The following MAML3 variants were observed in gnomAD, a reference collection of about 807,000 sequenced individuals.
The protein encoded by MAML3 is mastermind-like protein 3.
In MAML3, 27 loss-of-function variants were observed where a neutral mutation model predicts 101.9. The observed-to-expected ratio is 0.27, with a 90% confidence interval of 0.20 to 0.37. The LOEUF is 0.37. MAML3 is among the 10% of genes least tolerant of loss of function. The pLI is 1.00. For synonymous variants in MAML3, 501 were observed against 555.9 expected (o/e 0.90, Z 1.39); for missense variants, 1,316 against 1,444.9 (o/e 0.91, Z 1.45).
intron 1 of MAML3, among the ~76,000 whole-genome samples, chr4:140,040,537 T>C (rs1191259334): frequency 6.6e-6 from 1 of 152,220 alleles, no homozygotes; most frequent in African/African-American, 2.4e-5. Context: ...CTCCTTCCTC[T>C]AGCCCTTGGG....
intron 1 of MAML3, among the ~76,000 whole-genome samples, chr4:140,055,681 CA>C (rs1727338702): frequency 6.6e-6 from 1 of 152,000 alleles, no homozygotes; most frequent in African/African-American, 2.4e-5. Context: ...AACATGACTA[CA>C]AAAAGCCAAA....
In MAML3 at chr4:139,860,916, T is replaced by C. The variant is rs549701414; in HGVS notation, c.2079+28441A>G. On this transcript the variant is annotated intron_variant, in intron 2 of 4. Transcript: ENST00000509479. ...GGTTCATTTTCTAAATTTCTCAGTG[T>C]CCATTTAGATCCCCAGTGTTGAGGT... 2.0e-5 allele frequency among the ~76,000 whole-genome samples: 3 copies of C among 152,288 alleles called. No individual in the cohort carries two copies. In the East Asian group the frequency reaches 5.8e-4, roughly 29 times the overall value.
intron 2 of MAML3, among the ~76,000 whole-genome samples, chr4:139,816,121 A>C: frequency 6.6e-6 from 1 of 152,148 alleles, no homozygotes; most frequent in African/African-American, 2.4e-5. Flanking sequence ...TGTTGATTGC[A>C]TTGTTACTAA....
chr4:139,878,339 A>G (rs1237218519), intron 2 of MAML3, among the ~76,000 whole-genome samples: 1 of 152,142 alleles, frequency 6.6e-6, no homozygotes, highest in Non-Finnish European at 1.5e-5. Flanking sequence ...TGTAAAATTT[A>G]GTAAGGTAGC....
intron 1 of MAML3, among the ~76,000 whole-genome samples, chr4:140,080,355 T>C (rs1451552226): frequency 6.6e-6 from 1 of 152,230 alleles, no homozygotes; most frequent in Non-Finnish European, 1.5e-5. Context: ...AAAGATGGTG[T>C]TACTCAAAGC....
intron 2 of MAML3, among the ~76,000 whole-genome samples, chr4:139,763,625 A>G (rs1729799322): frequency 6.6e-6 from 1 of 151,470 alleles, no homozygotes; most frequent in Non-Finnish European, 1.5e-5. Context: ...TAAAAAAATC[A>G]TGTTGATGCT....
intron 1 of MAML3, among the ~76,000 whole-genome samples, chr4:140,094,518 C>T (rs1728118876): frequency 6.6e-6 from 1 of 152,188 alleles, no homozygotes; most frequent in African/African-American, 2.4e-5. Context: ...TCTCTCAGGC[C>T]TTCTAATTAA....
intron 1 of MAML3, among the ~76,000 whole-genome samples, chr4:140,147,514 T>TG (rs960635608): frequency 2.6e-5 from 4 of 152,026 alleles, no homozygotes; most frequent in African/African-American, 4.8e-5. Context: ...TGGCAGCAGG[T>TG]GGGGGGAAGG....
chr4:140,046,449 G>A (rs1045285978), intron 1 of MAML3, among the ~76,000 whole-genome samples: 8 of 152,168 alleles, frequency 5.3e-5, no homozygotes, highest in East Asian at 1.9e-4. Context: ...TCTCCTGACT[G>A]ATAAATAAGA....
At chr4:139,850,540 CTT>C (rs144011476) in intron 2 of MAML3, among the ~76,000 whole-genome samples, 1 of 147,834 alleles carries the variant, frequency 6.8e-6, no homozygotes, top group Admixed American at 6.8e-5. Flanking sequence ...ATATATTCTT[CTT>C]TTTTTTTTTG....
At chr4:140,133,058 G>A in intron 1 of MAML3, 1 of 437,034 alleles carries the variant, frequency 2.3e-6, no homozygotes, top group Admixed American at 2.6e-5. Context: ...AAGGAGGGGA[G>A]AACAGAGATG....
intron 3 of MAML3, 113 bp from the exon 4 acceptor site, chr4:139,725,948 G>T: frequency 1.2e-6 from 1 of 856,150 alleles, no homozygotes; most frequent in Non-Finnish European, 1.9e-6. Context: ...TAAACTTTGT[G>T]TTGAAGAATC....
chr4:140,024,470 C>T lies in MAML3; in HGVS notation c.468+128390G>A, dbSNP rs368046027. Among the ~76,000 whole-genome samples, 4 of 152,286 alleles carry T rather than the reference C, an allele frequency of 2.6e-5. No homozygotes were observed. In the East Asian group the frequency reaches 7.7e-4, roughly 29 times the overall value. ...TCTCAAACACCTGGCTTCTGGCAAT[C>T]TTCCCACCTTGGCTCCCCAAAGTGC... On this transcript the variant is annotated intron_variant, in intron 1 of 4. Transcript: ENST00000509479.
At chr4:139,975,656 A>G (rs953646104) in intron 1 of MAML3, among the ~76,000 whole-genome samples, 5 of 152,172 alleles carry the variant, frequency 3.3e-5, no homozygotes, top group Non-Finnish European at 5.9e-5. Flanking sequence ...AGCCTAGAAC[A>G]GTGTCTGGCC....
chr4:139,771,836 C>T (rs1729987142), intron 2 of MAML3, among the ~76,000 whole-genome samples: 1 of 151,686 alleles, frequency 6.6e-6, no homozygotes, highest in Non-Finnish European at 1.5e-5. Context: ...GGGATGGGGC[C>T]CGAGTATCTT....
chr4:139,762,351 G>A (rs1459218255), intron 2 of MAML3, among the ~76,000 whole-genome samples: 1 of 152,178 alleles, frequency 6.6e-6, no homozygotes, highest in Non-Finnish European at 1.5e-5. Flanking sequence ...AGCATGCTTA[G>A]AGCACTTGGC....
chr4:139,909,422 C>G (rs1263874185), intron 1 of MAML3, among the ~76,000 whole-genome samples: 3 of 152,126 alleles, frequency 2.0e-5, no homozygotes, highest in Non-Finnish European at 4.4e-5. Flanking sequence ...TACATACCAA[C>G]AATTATCAAA....
intron 1 of MAML3, among the ~76,000 whole-genome samples, chr4:140,092,086 ACG>A (rs1491135271): frequency 3.5e-3 from 207 of 59,560 alleles, no homozygotes; most frequent in African/African-American, 7.1e-3. Context: ...GTATATATAT[ACG>A]TATATATATA....
At chr4:139,827,523 C>A (rs1158212458) in intron 2 of MAML3, among the ~76,000 whole-genome samples, 1 of 151,962 alleles carries the variant, frequency 6.6e-6, no homozygotes, top group African/African-American at 2.4e-5. Flanking sequence ...TTAAAAATTA[C>A]AAAGGACTAG....
Sources: allele counts gnomAD v4.1 joint callset (sites outside exome capture counted in the v4.1 genomes callset), GRCh38; gene constraint gnomAD v4.1.1; transcripts MANE v1.5; gene names NCBI Gene and HGNC (gene_info 2026-07-23, HGNC 2026-07-21).